The following TTLL6 variants were observed in gnomAD, a reference collection of about 807,000 sequenced individuals.
TTLL6 encodes the protein tubulin tyrosine ligase like 6, also known as tubulin polyglutamylase TTLL6.
TTLL6 carries 75 observed loss-of-function variants against 96.4 expected under a neutral mutation model. The observed-to-expected ratio is 0.78, with a 90% CI of 0.65 to 0.94. The LOEUF (loss-of-function observed/expected upper bound fraction) is 0.94. Ranked by LOEUF, TTLL6 falls within the 40% of genes least tolerant of loss-of-function variation. The pLI, the probability that TTLL6 is intolerant of heterozygous loss-of-function variation, is 0.00. For synonymous variants in TTLL6, 411 were observed against 419.4 expected, an observed-to-expected ratio of 0.98 and a Z score of 0.24; for missense variants, 1,030 against 1,093.0, an observed-to-expected ratio of 0.94 and a Z score of 0.81.
At chr17:48,772,241 T>C (rs754576314) in intron 13 of TTLL6, among the ~76,000 whole-genome samples, 17 of 152,042 alleles carry the variant, frequency 1.1e-4, no homozygotes, top group South Asian at 2.1e-4. Flanking sequence ...TCCCAGCACG[T>C]TGGGAAGCCA....
chr17:48,791,313 AT>A, intron 9 of TTLL6, 64 bp downstream of exon 9: 1 of 1,426,652 alleles, frequency 7.0e-7, no homozygotes, highest in African/African-American at 1.4e-5. Flanking sequence ...GGAGGGCGGA[AT>A]CCTTGAAGCG....
chr17:48,765,026 A>C (rs925739512), intron 15 of TTLL6, among the ~76,000 whole-genome samples: 2 of 152,226 alleles, frequency 1.3e-5, no homozygotes, highest in East Asian at 3.8e-4. Flanking sequence ...AATCAGAAGC[A>C]TCTGACTCAA....
chr17:48,805,523 G>T (rs1390497685), intron 1 of TTLL6, among the ~76,000 whole-genome samples: 3 of 152,194 alleles, frequency 2.0e-5, no homozygotes, highest in African/African-American at 7.2e-5. Flanking sequence ...AGGGCCAGAT[G>T]CAGACCTTCA....
chr17:48,762,585 A>G lies in TTLL6; in HGVS notation c.*389T>C. ...CTGGCATAGTTCTGTTGGTGGACTG[A>G]GGGCTTTTGACTCCTGGAAATCATG... is the stretch of plus-strand genomic sequence containing the variant. On this transcript the variant is annotated 3_prime_UTR_variant, in exon 16 of 16. Coordinates refer to ENST00000393382, the MANE Select transcript of TTLL6 (RefSeq NM_001130918.3). 5.1e-6 allele frequency: 1 copy of G among 195,756 alleles called. No homozygotes were observed. Among genetic ancestry groups the G allele is most frequent in the Non-Finnish European group, 1.1e-5 (1 of 95,154 alleles). The allele number at this position is 195,756 out of a possible 1,614,324, so 12.1% of individuals were successfully genotyped here.
intron 15 of TTLL6, among the ~76,000 whole-genome samples, chr17:48,768,614 C>G (rs1225338023): frequency 1.3e-5 from 2 of 150,738 alleles, no homozygotes; most frequent in Non-Finnish European, 3.0e-5. Flanking sequence ...CTATGTTGCC[C>G]AGGCTAGTCT....
intron 8 of TTLL6, 97 bp from the exon 9 acceptor site, chr17:48,791,700 G>C (rs1162587502): frequency 2.4e-5 from 25 of 1,058,380 alleles, no homozygotes; most frequent in South Asian, 1.7e-4. Flanking sequence ...CGGAGACAAG[G>C]CTCCAGAGCC....
At chr17:48,803,590 T>A (rs1268900341) in intron 3 of TTLL6, among the ~76,000 whole-genome samples, 1 of 152,192 alleles carries the variant, frequency 6.6e-6, no homozygotes, top group Non-Finnish European at 1.5e-5. Flanking sequence ...TTGTAACTTG[T>A]ACTCTGAAAC....
chr17:48,805,264 A>G (rs764464626), intron 1 of TTLL6, among the ~76,000 whole-genome samples: 3 of 152,198 alleles, frequency 2.0e-5, no homozygotes, highest in Non-Finnish European at 2.9e-5. Context: ...GATGCTGTGC[A>G]TGGCACCACC....
In TTLL6 at chr17:48,785,121, G is replaced by A. The variant is rs2039064846; in HGVS notation, c.1842C>T (p.Asp614=). 1.2e-6 allele frequency: 2 copies of A among 1,614,164 alleles called. No homozygotes were observed. Among genetic ancestry groups the A allele is most frequent in the Admixed American group, 1.7e-5 (1 of 60,016 alleles). The change falls in exon 13 of 16, where the codon GAC becomes GAT. Residue 614 remains aspartate (D), a synonymous_variant. Coordinates refer to ENST00000393382, the MANE Select transcript of TTLL6 (RefSeq NM_001130918.3). ...TGGGAGCCTCCTGGTTGAGGCTGCT[G>A]TCTGTTTCATTTTTCCTTTCACCTC... ...SVRGERKNET[D]SSLNQEAPTE...
At chr17:48,763,921 G>A (rs904652296) in intron 15 of TTLL6, among the ~76,000 whole-genome samples, 21 of 152,052 alleles carry the variant, frequency 1.4e-4, no homozygotes, top group Admixed American at 2.6e-4. Flanking sequence ...CTGAGATCGC[G>A]CCACTGCACT....
intron 13 of TTLL6, among the ~76,000 whole-genome samples, chr17:48,783,793 C>G (rs1339415165): frequency 6.6e-6 from 1 of 152,074 alleles, no homozygotes; most frequent in Non-Finnish European, 1.5e-5. Context: ...TGCCTAAGTG[C>G]TCTAAGTATA....
At chr17:48,771,581 A>T (rs1272611113) in intron 13 of TTLL6, among the ~76,000 whole-genome samples, 1 of 151,524 alleles carries the variant, frequency 6.6e-6, no homozygotes, top group Non-Finnish European at 1.5e-5. Context: ...ATAGTGAGGT[A>T]TGATCACACC....
intron 8 of TTLL6, among the ~76,000 whole-genome samples, chr17:48,795,248 C>T (rs2039296507): frequency 6.6e-6 from 1 of 151,704 alleles, no homozygotes; most frequent in Non-Finnish European, 1.5e-5. Context: ...ATTGCTTTAA[C>T]CCGGGAGGCA....
At chr17:48,785,240 C>T (rs199712488) in intron 12 of TTLL6, 39 bp from the exon 13 acceptor site, 6 of 1,612,792 alleles carry the variant, frequency 3.7e-6, no homozygotes, top group Non-Finnish European at 1.7e-6. Flanking sequence ...GCCATGGGAA[C>T]CCAGCTCTAT....
At chr17:48,765,243 C>T (rs879495902) in intron 15 of TTLL6, among the ~76,000 whole-genome samples, 8 of 152,044 alleles carry the variant, frequency 5.3e-5, no homozygotes, top group Admixed American at 3.3e-4. Context: ...AGACCCTGTG[C>T]TACAAAAATA....
At chr17:48,784,783 T>A (rs1039665663) in intron 13 of TTLL6, 140 bp downstream of exon 13, 1 of 651,502 alleles carries the variant, frequency 1.5e-6, no homozygotes, top group Non-Finnish European at 2.7e-6. Context: ...CATTCCACAG[T>A]GTGGGCTTCT....
At chr17:48,796,624 A>C (rs1433672682) in intron 7 of TTLL6, among the ~76,000 whole-genome samples, 2 of 151,904 alleles carry the variant, frequency 1.3e-5, no homozygotes, top group African/African-American at 4.8e-5. Context: ...ATCTCAAAAA[A>C]AAAAAAAAGA....
chr17:48,778,790 C>T (rs919808584), intron 13 of TTLL6, among the ~76,000 whole-genome samples: 6 of 151,796 alleles, frequency 4.0e-5, no homozygotes, highest in South Asian at 2.1e-4. Flanking sequence ...ATTAGCTGGG[C>T]GTGGTGGTGC....
intron 11 of TTLL6, among the ~76,000 whole-genome samples, chr17:48,787,015 G>A (rs1336902969): frequency 1.3e-5 from 2 of 151,986 alleles, no homozygotes; most frequent in Non-Finnish European, 2.9e-5. Flanking sequence ...ATTTTTAGTA[G>A]AGATGGGGTT....
Sources: gnomAD v4.1 joint callset for allele counts (sites outside exome capture counted in the v4.1 genomes callset) on GRCh38, gnomAD v4.1.1 for gene constraint, MANE v1.5 for transcripts, NCBI Gene and HGNC (gene_info 2026-07-23, HGNC 2026-07-21) for gene names.